The following CLNK variants were observed in gnomAD, a reference collection of about 807,000 sequenced individuals.
The protein encoded by CLNK is cytokine dependent hematopoietic cell linker, also known as cytokine-dependent hematopoietic cell linker.
In CLNK, 74 loss-of-function variants were observed where a neutral mutation model predicts 68.6. That is an observed-to-expected ratio of 1.08 (90% CI 0.89 to 1.31). CLNK has a LOEUF of 1.31. Ranked by LOEUF, CLNK falls within the 50% of genes most tolerant of loss-of-function variation. The probability of loss-of-function intolerance (pLI) is 0.00; values close to 1 mark genes in which losing one functional copy is unlikely to be tolerated. For missense variants in CLNK, 553 were observed against 515.3 expected (o/e 1.07, Z -0.71); for synonymous variants, 198 against 172.2 (o/e 1.15, Z -1.17).
the CLNK span, among the ~76,000 whole-genome samples, chr4:10,702,589 G>T: frequency 6.6e-6 from 1 of 152,322 alleles, no homozygotes; most frequent in South Asian, 2.1e-4. Flanking sequence ...ATAGAATAGT[G>T]ACATGTATAT....
At chr4:10,728,349 G>A in the CLNK span, among the ~76,000 whole-genome samples, 1 of 151,568 alleles carries the variant, frequency 6.6e-6, no homozygotes, top group African/African-American at 2.4e-5. Context: ...CTATTGTGAA[G>A]AACAAACAGG....
intron 2 of CLNK, among the ~76,000 whole-genome samples, chr4:10,606,344 C>A (rs558101590): frequency 6.6e-6 from 1 of 152,136 alleles, no homozygotes; most frequent in Non-Finnish European, 1.5e-5. Context: ...GGCAATGACA[C>A]GCATGGAGTT....
At position 10,493,090 on chromosome 4, in the gene CLNK, G is replaced by A. The variant is rs1383568113; in HGVS notation, c.1141-2477C>T. On this transcript the variant is annotated intron_variant, in intron 18 of 18. Transcript: ENST00000226951. ...CCAGCACTTTGGGATGCCAAGGTGG[G>A]CAGAACACTTAAGGTCAGGAGTTCG... 5.9e-5 allele frequency among the ~76,000 whole-genome samples: 9 copies of A among 152,320 alleles called. No individual in the cohort carries two copies. In the East Asian group the frequency reaches 1.7e-3, roughly 29 times the overall value.
chr4:10,663,074 C>T (rs1454086268), intron 2 of CLNK, among the ~76,000 whole-genome samples: 2 of 152,206 alleles, frequency 1.3e-5, no homozygotes, highest in Non-Finnish European at 2.9e-5. Flanking sequence ...TTTGTCTCTT[C>T]CAAAGCACTC....
chr4:10,653,325 C>T (rs1560263781), intron 2 of CLNK, among the ~76,000 whole-genome samples: 2 of 151,802 alleles, frequency 1.3e-5, no homozygotes, highest in Admixed American at 1.3e-4. Flanking sequence ...GACAAACCTG[C>T]ACATTCTGCA....
intron 3 of CLNK, among the ~76,000 whole-genome samples, chr4:10,588,467 G>T (rs1489670961): frequency 6.6e-6 from 1 of 152,214 alleles, no homozygotes; most frequent in Non-Finnish European, 1.5e-5. Context: ...CTTGGAGGCA[G>T]AACTGAAGTC....
intron 15 of CLNK, among the ~76,000 whole-genome samples, chr4:10,516,246 A>C (rs914664584): frequency 1.3e-5 from 2 of 152,200 alleles, no homozygotes; most frequent in African/African-American, 4.8e-5. Flanking sequence ...ATGAAATGGA[A>C]AAGAGGTAAT....
intron 2 of CLNK, among the ~76,000 whole-genome samples, chr4:10,635,603 G>A (rs1281088311): frequency 2.6e-5 from 4 of 152,180 alleles, no homozygotes; most frequent in African/African-American, 4.8e-5. Flanking sequence ...GAGCGACAGA[G>A]GGACCTGCTG....
Position 10,540,540 on chromosome 4 carries a change from G to A in CLNK, c.556C>T (p.Pro186Ser), listed in dbSNP as rs893203821. ...GGAAAGGTGTGTCTCTGAGATAAAG[G>A]TGGCCTGCTGCTCTCCGGCTCAGGG... is the stretch of plus-strand genomic sequence containing the variant. ...LPPEPESSRP[P>S]LSQRHTFPEV... Residue 186 changes from proline (P) to serine (S), a missense_variant, in exon 11 of 19, where the codon CCT (proline) becomes TCT (serine). Physicochemically the swap from Pro to Ser is moderately conservative, Grantham distance 74. Coordinates refer to ENST00000226951, the MANE Select transcript of CLNK (RefSeq NM_052964.4). 6.2e-7 allele frequency: 1 copy of A among 1,613,870 alleles called. No homozygotes were observed. Among genetic ancestry groups the A allele is most frequent in the Admixed American group, 1.7e-5 (1 of 60,000 alleles).
intron 2 of CLNK, among the ~76,000 whole-genome samples, chr4:10,661,932 A>G (rs1198533199): frequency 6.6e-6 from 1 of 152,152 alleles, no homozygotes; most frequent in African/African-American, 2.4e-5. Context: ...AGAATTCTAT[A>G]CCTCTACGAA....
chr4:10,542,232 T>C, intron 9 of CLNK, 23 bp downstream of exon 9: 1 of 1,446,562 alleles, frequency 6.9e-7, no homozygotes, highest in Non-Finnish European at 9.5e-7. Flanking sequence ...GAATAACAAA[T>C]GCATTTTATT....
At chr4:10,676,389 A>ATTTC (rs1553866168) in intron 1 of CLNK, among the ~76,000 whole-genome samples, 4 of 74,816 alleles carry the variant, frequency 5.3e-5, no homozygotes, top group South Asian at 1.1e-3. Context: ...GTTATTATAG[A>ATTTC]TTTCTTTTTT....
At chr4:10,553,053 G>GGC in intron 8 of CLNK, among the ~76,000 whole-genome samples, 1 of 146,230 alleles carries the variant, frequency 6.8e-6, no homozygotes, top group East Asian at 1.9e-4. Context: ...GGAAGAGGAG[G>GGC]GGGGGGCATG....
chr4:10,591,451 T>G (rs1288544070), intron 3 of CLNK, among the ~76,000 whole-genome samples: 1 of 152,242 alleles, frequency 6.6e-6, no homozygotes, highest in Non-Finnish European at 1.5e-5. Flanking sequence ...ATGGGAGGTC[T>G]GGTGCCTAAC....
intron 2 of CLNK, among the ~76,000 whole-genome samples, chr4:10,607,970 C>T (rs1721850674): frequency 6.6e-6 from 1 of 152,088 alleles, no homozygotes; most frequent in African/African-American, 2.4e-5. Context: ...TTTACTGTAC[C>T]TGTGTTAAAC....
At chr4:10,592,933 G>T (rs1721231122) in intron 3 of CLNK, among the ~76,000 whole-genome samples, 1 of 152,084 alleles carries the variant, frequency 6.6e-6, no homozygotes, top group African/African-American at 2.4e-5. Flanking sequence ...TGCCATGTTG[G>T]CCAGGCTGGT....
At chr4:10,499,279 G>GACACAAAGGC (rs1716938888) in intron 18 of CLNK, among the ~76,000 whole-genome samples, 1 of 152,192 alleles carries the variant, frequency 6.6e-6, no homozygotes, top group Non-Finnish European at 1.5e-5. Flanking sequence ...AAAGGCTCTC[G>GACACAAAGGC]TGCCCCTTTG....
the CLNK span, among the ~76,000 whole-genome samples, chr4:10,717,623 T>C: frequency 2.0e-5 from 3 of 152,138 alleles, no homozygotes; most frequent in East Asian, 5.8e-4. Context: ...TATGAGGCAC[T>C]CCCACCCCAC....
intron 2 of CLNK, among the ~76,000 whole-genome samples, chr4:10,632,068 A>T (rs1304419890): frequency 1.3e-5 from 2 of 152,216 alleles, no homozygotes; most frequent in Admixed American, 1.3e-4. Context: ...CTCTAATTGG[A>T]TGACTGATAA....
Sources: gnomAD v4.1 joint callset for allele counts (sites outside exome capture counted in the v4.1 genomes callset) on GRCh38, gnomAD v4.1.1 for gene constraint, MANE v1.5 for transcripts, NCBI Gene and HGNC (gene_info 2026-07-23, HGNC 2026-07-21) for gene names.